Variants in TEX261 observed in about 807,000 individuals in gnomAD.
TEX261 encodes the protein protein TEX261.
In TEX261, 13 loss-of-function variants were observed where a neutral mutation model predicts 25.1. The observed-to-expected ratio is 0.52, with a 90% CI of 0.34 to 0.82. The LOEUF is 0.82. Among genes scored for constraint, TEX261 ranks in the 40% least tolerant of loss-of-function variants. The pLI is 0.02. For missense variants in TEX261, 206 were observed against 243.2 expected (o/e 0.85, Z 1.02); for synonymous variants, 92 against 97.8 (o/e 0.94, Z 0.35).
chr2:70,994,541 G>T, intron 1 of TEX261, 147 bp downstream of exon 1: 1 of 1,185,822 alleles, frequency 8.4e-7, no homozygotes, highest in Admixed American at 2.3e-5. Flanking sequence ...GGAGGGGCAG[G>T]ATCAGGCGGG....
chr2:70,990,343 T>G (rs1020733291), intron 3 of TEX261, among the ~76,000 whole-genome samples: 1 of 152,190 alleles, frequency 6.6e-6, no homozygotes, highest in African/African-American at 2.4e-5. Flanking sequence ...AGGTGCAGTC[T>G]TCAGGTTCCT....
intron 2 of TEX261, among the ~76,000 whole-genome samples, chr2:70,993,291 T>C (rs1670339640): frequency 1.3e-5 from 2 of 152,378 alleles, no homozygotes; most frequent in South Asian, 4.1e-4. Context: ...GACAAATCAC[T>C]TGATCCGATT....
At chr2:70,994,577 G>C in intron 1 of TEX261, 111 bp downstream of exon 1, 6 of 1,468,006 alleles carry the variant, frequency 4.1e-6, no homozygotes, top group Non-Finnish European at 4.6e-6. Flanking sequence ...CGAAGGCCGG[G>C]AGCGCCGGGC....
At chr2:70,993,532 G>A (rs1553425869) in intron 2 of TEX261, among the ~76,000 whole-genome samples, 164 bp downstream of exon 2, 1 of 152,180 alleles carries the variant, frequency 6.6e-6, no homozygotes, top group African/African-American at 2.4e-5. Context: ...CTGGGCCCAG[G>A]AGTGCAGACC....
chr2:70,994,381 G>A lies in TEX261; in HGVS notation c.70+307C>T, dbSNP rs181158959. The A allele has an allele frequency of 2.3e-3, 1,121 of 487,896 alleles. 10 individuals are homozygous for A. The highest frequency in any genetic ancestry group is 0.021 in the African/African-American group (990 of 47,752). The allele number at this position is 487,896 out of a possible 1,614,324, so 30.2% of individuals were successfully genotyped here. A position where few individuals can be genotyped will look rare whatever the true frequency, so the allele number is the denominator to read the frequency against. On this transcript the variant is annotated intron_variant, in intron 1 of 5. Transcript: ENST00000272438. ...GGTAGGCGTTGGGGAAAAGTTCCGCGCGGCAGGCCCGCGAAGAGTGGGAGC... is the reference window on the plus strand; with the variant it reads ...GGTAGGCGTTGGGGAAAAGTTCCGCACGGCAGGCCCGCGAAGAGTGGGAGC...
At position 70,993,688 on chromosome 2, in the gene TEX261, CCA is replaced by C; in HGVS notation, c.150+6_150+7del. On this transcript the variant is annotated splice_donor_region_variant and intron_variant, in intron 2 of 5. Coordinates refer to ENST00000272438, the MANE Select transcript of TEX261 (RefSeq NM_144582.3). Reference sequence around the variant, plus strand: ...TGAGGAGGACTCCTGGAGAAAGATGCCACTTACCCAGATCATGTATTTTATGA... The same window carrying C: ...TGAGGAGGACTCCTGGAGAAAGATGCCTTACCCAGATCATGTATTTTATGA... 6.2e-7 allele frequency: 1 copy of C among 1,611,882 alleles called. No homozygotes were observed. The highest frequency in any genetic ancestry group is 8.5e-7 in the Non-Finnish European group (1 of 1,178,128).
intron 3 of TEX261, 36 bp downstream of exon 3, chr2:70,991,794 C>A: frequency 6.2e-7 from 1 of 1,606,406 alleles, no homozygotes; most frequent in South Asian, 1.1e-5. Flanking sequence ...CACACCCAAC[C>A]ACATCAGCTG....
At position 70,993,763 on chromosome 2, in the gene TEX261, T is replaced by TA. The variant is rs1262619188; in HGVS notation, c.82dup (p.Tyr28LeufsTer36). On this transcript the variant is annotated frameshift_variant, in exon 2 of 6. Coordinates refer to ENST00000272438, the MANE Select transcript of TEX261 (RefSeq NM_144582.3). LOFTEE classifies it high-confidence loss of function. ...TTCTTCTATCAGTTCTGCCAGGTAA[T>TA]AGAGTCCAGCCGCTGCAGGGTGGGA... 1 of 1,612,774 alleles carries TA rather than the reference T, an allele frequency of 6.2e-7. No individual in the cohort carries two copies. Among genetic ancestry groups the TA allele is most frequent in the Non-Finnish European group, 8.5e-7 (1 of 1,179,974 alleles).
Position 70,986,944 on chromosome 2 carries a change from G to C in TEX261, c.*1656C>G, listed in dbSNP as rs1198847202. ...GGAGGTAGGACAACTAGCCACAGAG[G>C]TGCCAGGGAAGTGCCATCCAAGAAG... is the stretch of plus-strand genomic sequence containing the variant. On this transcript the variant is annotated 3_prime_UTR_variant, in exon 6 of 6. Coordinates refer to ENST00000272438, the MANE Select transcript of TEX261 (RefSeq NM_144582.3). 3 of 152,754 alleles carry C rather than the reference G, an allele frequency of 2.0e-5. No homozygotes were observed. Among genetic ancestry groups the C allele is most frequent in the African/African-American group, 7.2e-5 (3 of 41,446 alleles). 9.5% of individuals were successfully genotyped at this position (152,754 alleles called of 1,614,324 possible).
At chr2:70,992,370 T>G (rs1159778441) in intron 2 of TEX261, among the ~76,000 whole-genome samples, 1 of 152,088 alleles carries the variant, frequency 6.6e-6, no homozygotes, top group African/African-American at 2.4e-5. Flanking sequence ...CCCAAAGTGC[T>G]GGGATTACAG....
At chr2:70,994,204 G>A (rs1231833114) in intron 1 of TEX261, among the ~76,000 whole-genome samples, 1 of 152,240 alleles carries the variant, frequency 6.6e-6, no homozygotes, top group African/African-American at 2.4e-5. Flanking sequence ...TGCTACTTTA[G>A]GGAAAGGACA....
At position 70,988,688 on chromosome 2, in the gene TEX261, T is replaced by C. The variant is rs1670240561; in HGVS notation, c.503A>G (p.Lys168Arg). The C allele has an allele frequency of 2.5e-6, 4 of 1,614,058 alleles. No homozygotes were observed. Among genetic ancestry groups the C allele is most frequent in the Admixed American group, 1.7e-5 (1 of 60,020 alleles). The stretch of plus-strand genomic sequence containing the variant: ...CCCTAAGCGTTTGCCCCGCTTGCCT[T>C]TGGTGAAATAATTGGAGACGACATC... Reference protein sequence around the residue: ...GDDVVSNYFTKGKRGKRLGIL... With the variant: ...GDDVVSNYFTRGKRGKRLGIL... Residue 168 changes from lysine to arginine, a missense_variant, in exon 6 of 6, where the codon AAA becomes AGA. Lys to Arg is a conservative substitution (Grantham distance 26). Transcript: ENST00000272438.
intron 3 of TEX261, among the ~76,000 whole-genome samples, chr2:70,991,254 C>T (rs1369398063): frequency 6.6e-6 from 1 of 152,202 alleles, no homozygotes; most frequent in Non-Finnish European, 1.5e-5. Context: ...CAATGATTCC[C>T]CAGGGTCAGA....
chr2:70,994,383 G>C (rs550838987), intron 1 of TEX261: 8 of 493,178 alleles, frequency 1.6e-5, no homozygotes, highest in African/African-American at 4.2e-5. Context: ...AGTTCCGCGC[G>C]GCAGGCCCGC....
chr2:70,994,838 G>C lies in TEX261; in HGVS notation c.-81C>G, dbSNP rs182840201. 0.023 allele frequency: 28,547 copies of C among 1,238,044 alleles called. 407 individuals carry two copies. The highest frequency in any genetic ancestry group is 0.05 in the African/African-American group (2,841 of 57,166). The allele number at this position is 1,238,044 out of a possible 1,614,324, so 76.7% of individuals were successfully genotyped here. A position where few individuals can be genotyped will look rare whatever the true frequency, so the allele number is the denominator to read the frequency against. On this transcript the variant is annotated 5_prime_UTR_variant, in exon 1 of 6. Transcript: ENST00000272438. ...CCGGCGACACACAGCCGCCACCGCCGCCGCCGCCGCCGCGTCCCCGCCCCG... is the reference window on the plus strand; with the variant it reads ...CCGGCGACACACAGCCGCCACCGCCCCCGCCGCCGCCGCGTCCCCGCCCCG...
In TEX261 at chr2:70,988,670, C is replaced by G; in HGVS notation, c.521G>C (p.Arg174Pro). Residue 174 changes from arginine to proline, a missense_variant, in exon 6 of 6, where the codon CGC becomes CCC. Transcript: ENST00000272438. Reference sequence around the variant, plus strand: ...GGAGAAGACAACCAGGATCCCTAAGCGTTTGCCCCGCTTGCCTTTGGTGAA... The same window carrying G: ...GGAGAAGACAACCAGGATCCCTAAGGGTTTGCCCCGCTTGCCTTTGGTGAA... ...NYFTKGKRGK[R>P]LGILVVFSFI... 6.2e-7 allele frequency: 1 copy of G among 1,614,180 alleles called. No individual in the cohort carries two copies. Among genetic ancestry groups the G allele is most frequent in the Non-Finnish European group, 8.5e-7 (1 of 1,180,034 alleles).
intron 3 of TEX261, among the ~76,000 whole-genome samples, chr2:70,991,270 G>A (rs1377776038): frequency 6.6e-6 from 1 of 152,238 alleles, no homozygotes; most frequent in Non-Finnish European, 1.5e-5. Flanking sequence ...TCAGAAAGTG[G>A]TGGCAGGGCA....
chr2:70,992,315 G>A (rs967911543), intron 2 of TEX261, among the ~76,000 whole-genome samples: 1 of 152,078 alleles, frequency 6.6e-6, no homozygotes, highest in Admixed American at 6.5e-5. Flanking sequence ...GTAGAGACAG[G>A]GTTTTGCCAT....
intron 1 of TEX261, 80 bp from the exon 2 acceptor site, chr2:70,993,855 C>G: frequency 9.1e-7 from 1 of 1,101,000 alleles, no homozygotes; most frequent in Non-Finnish European, 1.4e-6. Flanking sequence ...CAGCCCAGTC[C>G]CCATCCACCC....
Sources: allele counts gnomAD v4.1 joint callset (sites outside exome capture counted in the v4.1 genomes callset), GRCh38; gene constraint gnomAD v4.1.1; transcripts MANE v1.5; gene names NCBI Gene and HGNC (gene_info 2026-07-23, HGNC 2026-07-21).